The following SLIT3 variants were observed in gnomAD, a reference collection of about 807,000 sequenced individuals.
SLIT3 encodes slit homolog 3 protein.
Under a neutral mutation model 184.0 loss-of-function variants are expected in SLIT3, and 68 were observed. The ratio of observed to expected loss-of-function variants is 0.37; its 90% CI spans 0.30 to 0.45. The LOEUF is 0.45. SLIT3 is among the 20% of genes least tolerant of loss of function. SLIT3 has a pLI of 1.00. For missense variants in SLIT3, 1,707 were observed against 2,026.0 expected, an observed-to-expected ratio of 0.84 and a Z score of 3.02; for synonymous variants, 831 against 828.6, an observed-to-expected ratio of 1.00 and a Z score of -0.05.
chr5:168,736,164 C>A (rs1209386123), intron 20 of SLIT3, among the ~76,000 whole-genome samples: 3 of 152,316 alleles, frequency 2.0e-5, no homozygotes, highest in Non-Finnish European at 4.4e-5. Context: ...ACTGTACCTT[C>A]AGCTGCTACC....
chr5:169,161,109 G>A (rs1252152998), intron 4 of SLIT3, among the ~76,000 whole-genome samples: 2 of 152,184 alleles, frequency 1.3e-5, no homozygotes, highest in Non-Finnish European at 1.5e-5. Flanking sequence ...GGCAGTGCCA[G>A]CACTCACATC....
At chr5:169,206,767 A>C (rs1359991949) in intron 3 of SLIT3, among the ~76,000 whole-genome samples, 3 of 152,274 alleles carry the variant, frequency 2.0e-5, no homozygotes, top group African/African-American at 7.2e-5. Context: ...AACAACAAAA[A>C]AAGTTCTTTT....
intron 1 of SLIT3, among the ~76,000 whole-genome samples, chr5:169,262,794 T>C (rs1766241929): frequency 6.6e-6 from 1 of 152,200 alleles, no homozygotes; most frequent in Non-Finnish European, 1.5e-5. Flanking sequence ...GGAACTGTGC[T>C]AGGCACTTCA....
chr5:169,280,768 G>T (rs969132126), intron 1 of SLIT3, among the ~76,000 whole-genome samples: 1 of 152,206 alleles, frequency 6.6e-6, no homozygotes, highest in Non-Finnish European at 1.5e-5. Flanking sequence ...GGAAGCTCAG[G>T]TCTGTCTCCC....
chr5:168,957,860 ACT>A (rs1484254777), intron 4 of SLIT3, among the ~76,000 whole-genome samples: 2 of 151,568 alleles, frequency 1.3e-5, no homozygotes, highest in Non-Finnish European at 1.5e-5. Flanking sequence ...TCACTTAACC[ACT>A]CTGAGTCCCG....
intron 21 of SLIT3, among the ~76,000 whole-genome samples, chr5:168,723,521 A>G (rs72839524): frequency 0.16 from 24,030 of 152,286 alleles, 2,393 homozygotes; most frequent in Non-Finnish European, 0.22. Flanking sequence ...TCACTGTACC[A>G]ACAAAATATG....
intron 4 of SLIT3, among the ~76,000 whole-genome samples, chr5:169,111,867 G>T (rs1760421061): frequency 1.3e-5 from 2 of 152,366 alleles, no homozygotes; most frequent in South Asian, 2.1e-4. Flanking sequence ...TGATGCAAAT[G>T]AAAAGGAGAG....
At chr5:168,890,620 T>C (rs911351778) in intron 4 of SLIT3, among the ~76,000 whole-genome samples, 9 of 152,280 alleles carry the variant, frequency 5.9e-5, no homozygotes, top group African/African-American at 2.2e-4. Flanking sequence ...AGATACATAC[T>C]GAAATAATTA....
chr5:169,005,804 T>C (rs76189422), intron 4 of SLIT3, among the ~76,000 whole-genome samples: 1,795 of 152,368 alleles, frequency 0.012, 34 homozygotes, highest in African/African-American at 0.041. Flanking sequence ...TTTGGCACTC[T>C]GCGCCTTTGG....
chr5:168,698,413 G>A (rs1480671637), intron 27 of SLIT3, among the ~76,000 whole-genome samples: 1 of 152,114 alleles, frequency 6.6e-6, no homozygotes, highest in Non-Finnish European at 1.5e-5. Flanking sequence ...GAGAGCACTG[G>A]TGACTATGCA....
At chr5:168,739,426 CTTT>C (rs35705916) in intron 20 of SLIT3, among the ~76,000 whole-genome samples, 3 of 143,522 alleles carry the variant, frequency 2.1e-5, no homozygotes, top group Admixed American at 7.0e-5. Flanking sequence ...TCTTTTTATT[CTTT>C]TTTTTTTTTT....
chr5:169,194,064 T>G (rs186748361), intron 3 of SLIT3, among the ~76,000 whole-genome samples: 1 of 151,248 alleles, frequency 6.6e-6, no homozygotes, highest in East Asian at 1.9e-4. Context: ...GAAACCCCGT[T>G]TCTAATAAAA....
At chr5:169,157,216 C>G (rs1221425976) in intron 4 of SLIT3, among the ~76,000 whole-genome samples, 4 of 152,056 alleles carry the variant, frequency 2.6e-5, no homozygotes, top group Non-Finnish European at 5.9e-5. Context: ...TGGTCTTCCA[C>G]GCCCACTTGG....
chr5:169,132,092 G>T (rs1174265550), intron 4 of SLIT3, among the ~76,000 whole-genome samples: 1 of 152,144 alleles, frequency 6.6e-6, no homozygotes, highest in Non-Finnish European at 1.5e-5. Flanking sequence ...AGCCACTATA[G>T]TTGTACACAT....
chr5:169,079,600 GAGGAGGAGGAGGA>G lies in SLIT3; in HGVS notation c.413+113866_413+113878del, dbSNP rs1232458174. 2.3e-5 allele frequency among the ~76,000 whole-genome samples: 3 copies of G among 129,132 alleles called. 1 individual carries two copies. The highest frequency in any genetic ancestry group is 1.5e-4 in the Admixed American group (2 of 13,192). The allele number at this position is 129,132 out of a possible 152,430, so 84.7% of individuals were successfully genotyped here. On this transcript the variant is annotated intron_variant, in intron 4 of 35. Coordinates refer to ENST00000519560, the MANE Select transcript of SLIT3 (RefSeq NM_003062.4). ...AGGAGAGAAGGGGAGGAGGAGGAGG[GAGGAGGAGGAGGA>G]AGGAGGAGAGAAGAGGAGGAGGGAA...
intron 4 of SLIT3, among the ~76,000 whole-genome samples, chr5:168,886,503 C>T (rs1269947089): frequency 6.6e-6 from 1 of 152,166 alleles, no homozygotes; most frequent in Admixed American, 6.5e-5. Context: ...AATCTATCCA[C>T]GATGCCCAAG....
chr5:168,717,780 C>T (rs929118297), intron 23 of SLIT3, among the ~76,000 whole-genome samples: 2 of 151,910 alleles, frequency 1.3e-5, no homozygotes, highest in African/African-American at 4.8e-5. Flanking sequence ...GCTGCCTCAG[C>T]CTCCCAAGTA....
At chr5:168,795,413 T>C (rs1756530957) in intron 10 of SLIT3, 94 bp downstream of exon 10, 12 of 906,176 alleles carry the variant, frequency 1.3e-5, no homozygotes, top group South Asian at 2.7e-5. Context: ...GGAATGGACA[T>C]GGTCCGTCAC....
rs761680258 is a variant in SLIT3, at chr5:168,712,373, G to T, written c.2484-19C>A. The T allele has an allele frequency of 1.2e-6, 2 of 1,612,378 alleles. No individual in the cohort carries two copies. The highest frequency in any genetic ancestry group is 1.1e-5 in the South Asian group (1 of 91,048). On this transcript the variant is annotated intron_variant, in intron 23 of 35. Transcript: ENST00000519560. ...GAGGGTTCTGAAGCAGAGGGCACAGGTCGGAAGGTTAGCATCCACTAATTT... is the reference window on the plus strand; with the variant it reads ...GAGGGTTCTGAAGCAGAGGGCACAGTTCGGAAGGTTAGCATCCACTAATTT...
Sources: allele counts gnomAD v4.1 joint callset (sites outside exome capture counted in the v4.1 genomes callset), GRCh38; gene constraint gnomAD v4.1.1; transcripts MANE v1.5; gene names NCBI Gene and HGNC (gene_info 2026-07-23, HGNC 2026-07-21).